Variants in ZFYVE26 observed in about 807,000 individuals in gnomAD.
ZFYVE26 encodes zinc finger FYVE-type containing 26.
ZFYVE26 carries 181 observed loss-of-function variants against 276.5 expected under a neutral mutation model. The observed-to-expected ratio is 0.65, with a 90% confidence interval of 0.58 to 0.74. ZFYVE26 has a LOEUF of 0.74. Among genes scored for constraint, ZFYVE26 ranks in the 30% least tolerant of loss-of-function variants. ZFYVE26 has a pLI of 0.00. For missense variants in ZFYVE26, 2,821 were observed against 3,097.9 expected (o/e 0.91, Z 2.12); for synonymous variants, 1,129 against 1,203.1 (o/e 0.94, Z 1.27).
At chr14:67,797,299 G>A (rs1046441870) in intron 12 of ZFYVE26, 3 of 316,434 alleles carry the variant, frequency 9.5e-6, no homozygotes, top group African/African-American at 2.2e-5. Flanking sequence ...AAACTTAAAT[G>A]TCCATGAACA....
Position 67,793,600 on chromosome 14 carries a change from C to T in ZFYVE26, c.2553+8G>A, listed in dbSNP as rs1355900379. The T allele has an allele frequency of 1.2e-6, 2 of 1,613,026 alleles. No homozygotes were observed. Among genetic ancestry groups the T allele is most frequent in the Non-Finnish European group, 1.7e-6 (2 of 1,179,576 alleles). ...TTCAGGGGCTGAAAAGGTATGGCCT[C>T]CCCTCACCTGATGGGCTTCTGCGAA... On this transcript the variant is annotated splice_region_variant and intron_variant, in intron 14 of 41. Coordinates refer to ENST00000347230, the MANE Select transcript of ZFYVE26 (RefSeq NM_015346.4).
At chr14:67,778,840 G>A (rs1040454710) in intron 23 of ZFYVE26, among the ~76,000 whole-genome samples, 4 of 152,024 alleles carry the variant, frequency 2.6e-5, no homozygotes, top group Admixed American at 1.3e-4. Flanking sequence ...CCCTGCCTAG[G>A]ACTGCCTTCT....
intron 9 of ZFYVE26, 145 bp from the exon 10 acceptor site, chr14:67,802,427 T>A: frequency 1.2e-6 from 1 of 819,120 alleles, no homozygotes; most frequent in Non-Finnish European, 2.0e-6. Context: ...CTGATCTGTG[T>A]CACTTCTAGG....
At chr14:67,754,455 C>T (rs924262959) in intron 37 of ZFYVE26, among the ~76,000 whole-genome samples, 26 of 152,116 alleles carry the variant, frequency 1.7e-4, no homozygotes, top group South Asian at 4.1e-4. Context: ...GTCATTGAAT[C>T]GATAAGCATT....
chr14:67,775,198 T>G, intron 26 of ZFYVE26, 84 bp from the exon 27 acceptor site: 3 of 910,578 alleles, frequency 3.3e-6, no homozygotes, highest in Non-Finnish European at 5.0e-6. Context: ...AACAAAGCTC[T>G]GTTGGCTTCT....
chr14:67,730,258 G>A (rs573373337), intron 13 of ZFYVE26, among the ~76,000 whole-genome samples: 5 of 151,850 alleles, frequency 3.3e-5, no homozygotes, highest in African/African-American at 7.3e-5. Flanking sequence ...TGGGATTTAC[G>A]CCCTGGCAAT....
intron 32 of ZFYVE26, among the ~76,000 whole-genome samples, chr14:67,764,737 T>A (rs1041482288): frequency 6.6e-6 from 1 of 152,184 alleles, no homozygotes; most frequent in African/African-American, 2.4e-5. Context: ...AAAGGCTGTT[T>A]AAATAGAAAC....
chr14:67,767,989 G>A, intron 30 of ZFYVE26, 149 bp from the exon 31 acceptor site: 1 of 1,057,624 alleles, frequency 9.5e-7, no homozygotes, highest in Non-Finnish European at 1.4e-6. Context: ...TTTGCTTTAG[G>A]ACACCCCACT....
chr14:67,788,097 A>AT (rs1247052196), intron 16 of ZFYVE26, among the ~76,000 whole-genome samples: 1 of 151,840 alleles, frequency 6.6e-6, no homozygotes. Context: ...TCGAAAAAAA[A>AT]AAACCGTGGG....
chr14:67,784,142 T>C (rs1237386465), intron 20 of ZFYVE26, among the ~76,000 whole-genome samples, 192 bp downstream of exon 20: 1 of 152,158 alleles, frequency 6.6e-6, no homozygotes, highest in East Asian at 1.9e-4. Flanking sequence ...ACAATATACA[T>C]GCTAAAGGTA....
rs2039997052 is a variant in ZFYVE26 at position 67,798,156 on chromosome 14, G to A, written c.2106C>T (p.Arg702=). The part of the protein sequence containing the change: ...LQEQLDEISS[R]SPPEKPKQES... ...CTTGCTTTGGCTTCTCAGGAGGGCT[G>A]CGGCTACTGATCTCATCCAGTTGCT... The change falls in exon 11 of 42, where the codon CGC becomes CGT. Residue 702 remains arginine (R), a synonymous_variant. Coordinates refer to ENST00000347230, the MANE Select transcript of ZFYVE26 (RefSeq NM_015346.4). The A allele has an allele frequency of 6.2e-7, 1 of 1,614,012 alleles. No individual in the cohort carries two copies. The highest frequency in any genetic ancestry group is 8.5e-7 in the Non-Finnish European group (1 of 1,179,990).
intron 9 of ZFYVE26, among the ~76,000 whole-genome samples, 194 bp from the exon 10 acceptor site, chr14:67,802,476 A>C (rs2040098313): frequency 6.6e-6 from 1 of 152,066 alleles, no homozygotes; most frequent in East Asian, 1.9e-4. Flanking sequence ...AGTTCCCTGC[A>C]CTTCCTTTCC....
chr14:67,752,060 C>G (rs1456182950), intron 40 of ZFYVE26, among the ~76,000 whole-genome samples: 1 of 152,188 alleles, frequency 6.6e-6, no homozygotes, highest in East Asian at 1.9e-4. Context: ...CCCTGACCTC[C>G]TCTAGAATTG....
intron 4 of ZFYVE26, among the ~76,000 whole-genome samples, chr14:67,808,731 T>C (rs190848677): frequency 6.6e-6 from 1 of 152,116 alleles, no homozygotes; most frequent in East Asian, 1.9e-4. Context: ...AAATATGTCT[T>C]TAATTAACTG....
chr14:67,805,716 A>G, intron 6 of ZFYVE26, 98 bp from the exon 7 acceptor site: 2 of 1,410,534 alleles, frequency 1.4e-6, no homozygotes, highest in Non-Finnish European at 2.0e-6. Context: ...TTAGTACAGC[A>G]GGGAGATTTC....
chr14:67,767,918 G>C, intron 30 of ZFYVE26, 78 bp from the exon 31 acceptor site: 1 of 1,602,180 alleles, frequency 6.2e-7, no homozygotes, highest in South Asian at 1.1e-5. Flanking sequence ...GCTGGCATGA[G>C]TTGCAGGTAG....
intron 3 of ZFYVE26, among the ~76,000 whole-genome samples, chr14:67,812,772 A>T (rs1168997198): frequency 6.6e-6 from 1 of 152,198 alleles, no homozygotes; most frequent in African/African-American, 2.4e-5. Context: ...AGTTAATTTG[A>T]TTTGACAAAT....
intron 22 of ZFYVE26, 40 bp from the exon 23 acceptor site, chr14:67,780,385 C>T: frequency 6.4e-7 from 1 of 1,554,984 alleles, no homozygotes; most frequent in Middle Eastern, 1.8e-4. Flanking sequence ...CACACTGCAG[C>T]TTCTCCCTCC....
intron 28 of ZFYVE26, 102 bp from the exon 29 acceptor site, chr14:67,769,832 C>T: frequency 6.7e-7 from 1 of 1,497,522 alleles, no homozygotes; most frequent in Non-Finnish European, 9.2e-7. Context: ...CTTATACTTT[C>T]TAAGAACACC....
Sources: gnomAD v4.1 joint callset for allele counts (sites outside exome capture counted in the v4.1 genomes callset) on GRCh38, gnomAD v4.1.1 for gene constraint, MANE v1.5 for transcripts, NCBI Gene and HGNC (gene_info 2026-07-23, HGNC 2026-07-21) for gene names.